Variants in EFR3A observed in about 807,000 individuals in gnomAD.
The protein encoded by EFR3A is EFR3 homolog A.
Under a neutral mutation model 104.4 loss-of-function variants are expected in EFR3A, and 76 were observed. The ratio of observed to expected loss-of-function variants is 0.73; its 90% CI spans 0.60 to 0.88. The LOEUF is 0.88. Ranked by LOEUF, EFR3A falls within the 40% of genes least tolerant of loss-of-function variation. The pLI, the probability that EFR3A is intolerant of heterozygous loss-of-function variation, is 0.00. For synonymous variants in EFR3A, 330 were observed against 330.0 expected, an observed-to-expected ratio of 1.00 and a Z score of 0.00; for missense variants, 985 against 1,012.5, an observed-to-expected ratio of 0.97 and a Z score of 0.37.
intron 7 of EFR3A, among the ~76,000 whole-genome samples, chr8:131,957,748 A>G (rs1465354764): frequency 2.0e-5 from 3 of 152,138 alleles, no homozygotes; most frequent in Non-Finnish European, 4.4e-5. Context: ...ACATTGAAGT[A>G]GGTTTTTAAT....
At chr8:131,956,167 A>G (rs1472871693) in intron 7 of EFR3A, among the ~76,000 whole-genome samples, 3 of 152,186 alleles carry the variant, frequency 2.0e-5, no homozygotes, top group Non-Finnish European at 2.9e-5. Context: ...ATCTGCTTAC[A>G]GACCTTGAAA....
At chr8:131,957,944 T>A (rs1407728665) in intron 7 of EFR3A, among the ~76,000 whole-genome samples, 1 of 152,138 alleles carries the variant, frequency 6.6e-6, no homozygotes, top group Admixed American at 6.6e-5. Context: ...ATCTTAAAAT[T>A]TTATATTTAA....
rs1268926156 is a variant in EFR3A, at chr8:131,955,772, A to G, written c.643A>G (p.Ile215Val). The G allele has an allele frequency of 1.9e-6, 3 of 1,612,578 alleles. No homozygotes were observed. Among genetic ancestry groups the G allele is most frequent in the South Asian group, 1.1e-5 (1 of 90,818 alleles). ...MQKIEEVDSR[I>V]GPPSSPSATD... ...TTATTTCTCGTTCCTTTTTAGTCGC[A>G]TAGGCCCTCCTTCTTCTCCTTCTGC... The change falls in exon 7 of 23, where the codon ATA becomes GTA. Residue 215 changes from isoleucine (I) to valine (V), a missense_variant. Coordinates refer to ENST00000254624, the MANE Select transcript of EFR3A (RefSeq NM_015137.6).
chr8:132,008,973 C>A lies in EFR3A; in HGVS notation c.2361-1817C>A, dbSNP rs1054841972. 2.0e-5 allele frequency among the ~76,000 whole-genome samples: 3 copies of A among 148,524 alleles called. No individual in the cohort carries two copies. In the East Asian group the frequency reaches 6.1e-4, roughly 30 times the overall value. On this transcript the variant is annotated intron_variant, in intron 22 of 22. Transcript: ENST00000254624. ...TTTTGTCAAACAGTACCCTTAAGATCAGTTTATTTCATTCTGTGAAAATTA... is the reference window on the plus strand; with the variant it reads ...TTTTGTCAAACAGTACCCTTAAGATAAGTTTATTTCATTCTGTGAAAATTA...
chr8:131,988,189 A>C (rs796225878), intron 18 of EFR3A, among the ~76,000 whole-genome samples: 2 of 67,524 alleles, frequency 3.0e-5, no homozygotes, highest in African/African-American at 4.7e-5. Context: ...TCTGTGAACT[A>C]TATATTTTCC....
Position 131,984,300 on chromosome 8 carries a change from G to T in EFR3A, c.1737G>T (p.Gln579His). The part of the protein sequence containing the change: ...IDLIRLAIAL[Q>H]DSAIINEDNL... ...TCATTCGACTGGCCATTGCTTTACAGGTATGCTTTCATAACCGTTCACTGC... is the reference window on the plus strand; with the variant it reads ...TCATTCGACTGGCCATTGCTTTACATGTATGCTTTCATAACCGTTCACTGC... The change falls in exon 15 of 23, where the codon CAG (glutamine) becomes CAT (histidine). Residue 579 changes from glutamine to histidine, a missense_variant and splice_region_variant. Coordinates refer to ENST00000254624, the MANE Select transcript of EFR3A (RefSeq NM_015137.6). The T allele has an allele frequency of 1.3e-6, 2 of 1,579,808 alleles. No homozygotes were observed. Among genetic ancestry groups the T allele is most frequent in the Non-Finnish European group, 1.7e-6 (2 of 1,165,528 alleles).
At chr8:131,968,190 G>C in intron 8 of EFR3A, 105 bp from the exon 9 acceptor site, 1 of 1,040,906 alleles carries the variant, frequency 9.6e-7, no homozygotes, top group South Asian at 1.8e-5. Flanking sequence ...ATGACCACCA[G>C]TCACTAATTG....
At chr8:131,939,075 A>T (rs1269684886) in intron 1 of EFR3A, among the ~76,000 whole-genome samples, 1 of 152,146 alleles carries the variant, frequency 6.6e-6, no homozygotes, top group African/African-American at 2.4e-5. Context: ...AGGGTCCTTG[A>T]TCATCATCTG....
intron 1 of EFR3A, among the ~76,000 whole-genome samples, chr8:131,923,653 G>A (rs945624458): frequency 6.6e-6 from 1 of 151,872 alleles, no homozygotes; most frequent in African/African-American, 2.4e-5. Flanking sequence ...AACTTCAGTA[G>A]GCTTTCTTGT....
intron 6 of EFR3A, among the ~76,000 whole-genome samples, chr8:131,955,051 G>T (rs1168808947): frequency 6.6e-6 from 1 of 152,156 alleles, no homozygotes; most frequent in South Asian, 2.1e-4. Context: ...TAGCTGAGGT[G>T]AAAGTTTCCT....
At chr8:131,937,137 A>G (rs1326745282) in intron 1 of EFR3A, among the ~76,000 whole-genome samples, 1 of 152,156 alleles carries the variant, frequency 6.6e-6, no homozygotes, top group Non-Finnish European at 1.5e-5. Context: ...TAAGACTATC[A>G]GAAGCTATTT....
intron 17 of EFR3A, among the ~76,000 whole-genome samples, 160 bp from the exon 18 acceptor site, chr8:131,987,415 A>C (rs1187594310): frequency 6.6e-6 from 1 of 152,192 alleles, no homozygotes; most frequent in Non-Finnish European, 1.5e-5. Flanking sequence ...TAAAGAGCTC[A>C]AATTAGTTGC....
At chr8:131,984,352 A>G (rs16904564) in intron 15 of EFR3A, 52 bp downstream of exon 15, 2 of 1,432,248 alleles carry the variant, frequency 1.4e-6, no homozygotes, top group Non-Finnish European at 1.8e-6. Flanking sequence ...AAAGCAGACA[A>G]CATCTTTGAA....
intron 12 of EFR3A, among the ~76,000 whole-genome samples, chr8:131,978,567 CA>C (rs1185580014): frequency 6.6e-6 from 1 of 152,134 alleles, no homozygotes; most frequent in African/African-American, 2.4e-5. Context: ...GTCTACCTTA[CA>C]GGGATATGGT....
At chr8:131,989,948 T>C (rs1002164948) in intron 18 of EFR3A, among the ~76,000 whole-genome samples, 2 of 152,238 alleles carry the variant, frequency 1.3e-5, no homozygotes, top group Admixed American at 6.5e-5. Context: ...GAATGAATAG[T>C]GTATGTTTAG....
At chr8:131,927,334 A>T (rs775758461) in intron 1 of EFR3A, among the ~76,000 whole-genome samples, 9 of 152,166 alleles carry the variant, frequency 5.9e-5, no homozygotes, top group Non-Finnish European at 1.0e-4. Context: ...GTGGCAGACA[A>T]CATTGCCTAT....
chr8:131,952,125 G>A (rs1818733388), intron 5 of EFR3A, among the ~76,000 whole-genome samples: 1 of 152,018 alleles, frequency 6.6e-6, no homozygotes, highest in African/African-American at 2.4e-5. Context: ...TTCAGCTGTG[G>A]TAGAAATTAC....
chr8:131,923,502 G>GTTT (rs917163877), intron 1 of EFR3A, among the ~76,000 whole-genome samples: 12 of 111,540 alleles, frequency 1.1e-4, no homozygotes, highest in Admixed American at 1.8e-4. Context: ...ATGTCAGGGT[G>GTTT]TTTTTTTTTT....
intron 1 of EFR3A, among the ~76,000 whole-genome samples, chr8:131,926,507 G>A (rs1205989890): frequency 6.6e-6 from 1 of 152,058 alleles, no homozygotes; most frequent in East Asian, 1.9e-4. Context: ...AATGGCATAT[G>A]GGGGTGCTAG....
Sources: allele counts gnomAD v4.1 joint callset (sites outside exome capture counted in the v4.1 genomes callset), GRCh38; gene constraint gnomAD v4.1.1; transcripts MANE v1.5; gene names NCBI Gene and HGNC (gene_info 2026-07-23, HGNC 2026-07-21).